Variants in PSMB7 observed in about 807,000 individuals in gnomAD.
PSMB7 encodes proteasome 20S subunit beta 7, also known as proteasome subunit beta type-7.
A neutral mutation model predicts 28.1 loss-of-function variants in PSMB7; 5 were observed. That is an observed-to-expected ratio of 0.18 (90% confidence interval 0.09 to 0.37). PSMB7 has a LOEUF of 0.37. Among genes scored for constraint, PSMB7 ranks in the 10% least tolerant of loss-of-function variants. The probability of loss-of-function intolerance (pLI) is 1.00; values close to 1 mark genes in which losing one functional copy is unlikely to be tolerated. For missense variants in PSMB7, 275 were observed against 346.2 expected (o/e 0.79, Z 1.63); for synonymous variants, 122 against 123.7 (o/e 0.99, Z 0.09).
intron 6 of PSMB7, among the ~76,000 whole-genome samples, chr9:124,380,735 A>C (rs1158971036): frequency 6.6e-6 from 1 of 152,058 alleles, no homozygotes. Flanking sequence ...GAGTGCCAAA[A>C]CCCATTGAAC....
intron 6 of PSMB7, among the ~76,000 whole-genome samples, chr9:124,366,492 T>C (rs1360303313): frequency 2.6e-5 from 4 of 152,252 alleles, no homozygotes. Flanking sequence ...AGTTAAGCGT[T>C]ATAAGGGTCC....
Position 124,357,856 on chromosome 9 carries a change from G to T in PSMB7, c.571-941C>A, listed in dbSNP as rs77417094. On this transcript the variant is annotated intron_variant, in intron 6 of 7. Transcript: ENST00000259457. ...GGCTGGCTAAAGAGCACGTGAAAAG[G>T]AGCTGGGAACACAGCTGGTCAGCAG... Among the ~76,000 whole-genome samples, 424 of 152,310 alleles carry T rather than the reference G, an allele frequency of 2.8e-3. 1 individual carries two copies. Among genetic ancestry groups the T allele is most frequent in the African/African-American group, 9.9e-3 (412 of 41,562 alleles).
chr9:124,367,406 G>A lies in PSMB7; in HGVS notation c.571-10491C>T, dbSNP rs141449327. On this transcript the variant is annotated intron_variant, in intron 6 of 7. Transcript: ENST00000259457. ...AGAAATGATTCTATTTCCCCCCACT[G>A]CACCAGGAGGAGCTAACGCAGATAC... 3.5e-3 allele frequency among the ~76,000 whole-genome samples: 530 copies of A among 152,184 alleles called. 3 individuals are homozygous for A. The highest frequency in any genetic ancestry group is 0.011 in the African/African-American group (476 of 41,504).
chr9:124,388,450 C>T (rs1830748091), intron 5 of PSMB7, among the ~76,000 whole-genome samples: 1 of 152,234 alleles, frequency 6.6e-6, no homozygotes, highest in African/African-American at 2.4e-5. Context: ...CAAGGGCCTT[C>T]TGCTAAGCAC....
chr9:124,411,017 C>A (rs1831022831), intron 4 of PSMB7, among the ~76,000 whole-genome samples: 1 of 151,906 alleles, frequency 6.6e-6, no homozygotes, highest in Admixed American at 6.6e-5. Context: ...CTTCTGTCAC[C>A]CAGGCTAGAG....
At chr9:124,368,121 T>C (rs1258064192) in intron 6 of PSMB7, among the ~76,000 whole-genome samples, 3 of 152,224 alleles carry the variant, frequency 2.0e-5, no homozygotes, top group Non-Finnish European at 4.4e-5. Context: ...AAAAATTATA[T>C]TCTAAAAAGA....
At chr9:124,382,200 CTTTTTT>C (rs1164339420) in intron 6 of PSMB7, among the ~76,000 whole-genome samples, 40 of 55,974 alleles carry the variant, frequency 7.1e-4, no homozygotes, top group Admixed American at 1.2e-3. Flanking sequence ...TCTCTTTTCT[CTTTTTT>C]TTTTTTTTTT....
intron 2 of PSMB7, 147 bp from the exon 3 acceptor site, chr9:124,414,152 C>T: frequency 1.8e-6 from 1 of 562,744 alleles, no homozygotes; most frequent in Non-Finnish European, 3.1e-6. Context: ...AAATATTGTG[C>T]TACACTTTCA....
chr9:124,389,304 G>T (rs952896459), intron 5 of PSMB7, among the ~76,000 whole-genome samples: 1 of 152,056 alleles, frequency 6.6e-6, no homozygotes, highest in Admixed American at 6.5e-5. Context: ...TACTACTGAC[G>T]CTCTCGGTCT....
intron 2 of PSMB7, 90 bp from the exon 3 acceptor site, chr9:124,414,095 A>T: frequency 1.3e-6 from 1 of 749,198 alleles, no homozygotes; most frequent in Non-Finnish European, 2.2e-6. Context: ...TGTTGGCCAT[A>T]CCACATGCTC....
At position 124,404,374 on chromosome 9, in the gene PSMB7, G is replaced by C. The variant is rs9792535; in HGVS notation, c.511+943C>G. Among the ~76,000 whole-genome samples, 916 of 152,250 alleles carry C rather than the reference G, an allele frequency of 6.0e-3. 9 individuals carry two copies. The highest frequency in any genetic ancestry group is 0.021 in the African/African-American group (879 of 41,542). On this transcript the variant is annotated intron_variant, in intron 5 of 7. Transcript: ENST00000259457. ...GTTTCTCTCAAAGATAGTATCTTGT[G>C]TAACTATAGTACAATATCATCTGTA... is the stretch of plus-strand genomic sequence containing the variant.
intron 6 of PSMB7, among the ~76,000 whole-genome samples, chr9:124,364,619 A>G (rs1471540590): frequency 6.6e-6 from 1 of 152,116 alleles, no homozygotes; most frequent in Non-Finnish European, 1.5e-5. Flanking sequence ...GCAGATACTA[A>G]TAAGATCCTC....
At chr9:124,371,840 CCT>C (rs1231530487) in intron 6 of PSMB7, among the ~76,000 whole-genome samples, 1 of 152,174 alleles carries the variant, frequency 6.6e-6, no homozygotes, top group East Asian at 1.9e-4. Context: ...CTAGCTCTCA[CCT>C]CTCTCTCTGA....
chr9:124,365,245 G>A (rs1220861386), intron 6 of PSMB7, among the ~76,000 whole-genome samples: 1 of 152,130 alleles, frequency 6.6e-6, no homozygotes, highest in African/African-American at 2.4e-5. Context: ...GAAACAAGGA[G>A]ATAATCTCAT....
At chr9:124,393,240 G>A (rs997501451) in intron 5 of PSMB7, among the ~76,000 whole-genome samples, 2 of 152,302 alleles carry the variant, frequency 1.3e-5, no homozygotes, top group African/African-American at 4.8e-5. Context: ...ACAGACGCAG[G>A]CTTTAAATGG....
intron 5 of PSMB7, among the ~76,000 whole-genome samples, chr9:124,390,305 A>T (rs2131166584): frequency 6.6e-6 from 1 of 152,380 alleles, no homozygotes; most frequent in South Asian, 2.1e-4. Flanking sequence ...TGGAAATCAT[A>T]CAGCTATACA....
intron 3 of PSMB7, among the ~76,000 whole-genome samples, chr9:124,413,237 A>C (rs1831048917): frequency 6.6e-6 from 1 of 151,186 alleles, no homozygotes; most frequent in Admixed American, 6.6e-5. Context: ...AAAACACTCT[A>C]CAAGCAGAGA....
chr9:124,358,256 C>T (rs1830433425), intron 6 of PSMB7, among the ~76,000 whole-genome samples: 1 of 152,206 alleles, frequency 6.6e-6, no homozygotes, highest in Admixed American at 6.5e-5. Context: ...CCTCTGCCTG[C>T]CCCATGCCAG....
rs772524538 is a variant in PSMB7, at chr9:124,406,497, CAAAAAAA to C, written c.396-1072_396-1066del. On this transcript the variant is annotated intron_variant, in intron 4 of 7. Coordinates refer to ENST00000259457, the MANE Select transcript of PSMB7 (RefSeq NM_002799.4). ...AGCCAGGACAGAGCAAGAGTTGTCT[CAAAAAAA>C]AAAAAAAAAAAAAAAAGTATCAACC... 2.4e-4 allele frequency among the ~76,000 whole-genome samples: 12 copies of C among 50,506 alleles called. No individual in the cohort carries two copies. The South Asian group carries it at 6.2e-3, about 26-fold the overall frequency. The allele number at this position is 50,506 out of a possible 152,430, so 33.1% of individuals were successfully genotyped here.
Sources: allele counts gnomAD v4.1 joint callset (sites outside exome capture counted in the v4.1 genomes callset), GRCh38; gene constraint gnomAD v4.1.1; transcripts MANE v1.5; gene names NCBI Gene and HGNC (gene_info 2026-07-23, HGNC 2026-07-21).